Variants in AIG1 observed in about 807,000 individuals in gnomAD.
AIG1 encodes the protein androgen-induced gene 1 protein.
In AIG1, 23 loss-of-function variants were observed where a neutral mutation model predicts 31.4. The observed-to-expected ratio is 0.73, with a 90% CI of 0.53 to 1.04. AIG1 has a LOEUF of 1.04. AIG1 is among the 50% of genes least tolerant of loss of function. The pLI, the probability that AIG1 is intolerant of heterozygous loss-of-function variation, is 0.00. For missense variants in AIG1, 274 were observed against 295.0 expected, an observed-to-expected ratio of 0.93 and a Z score of 0.52; for synonymous variants, 100 against 110.5, an observed-to-expected ratio of 0.90 and a Z score of 0.60.
intron 3 of AIG1, among the ~76,000 whole-genome samples, chr6:143,243,983 A>G (rs564595984): frequency 6.6e-6 from 1 of 152,312 alleles, no homozygotes; most frequent in South Asian, 2.1e-4. Context: ...CTTTCAAGCC[A>G]TGACAGCTGG....
chr6:143,248,079 C>T (rs1352040646), intron 3 of AIG1, among the ~76,000 whole-genome samples: 1 of 152,110 alleles, frequency 6.6e-6, no homozygotes, highest in African/African-American at 2.4e-5. Flanking sequence ...TTTGTGGTCT[C>T]CTGGGAGTGT....
At chr6:143,106,369 A>G (rs957508791) in intron 1 of AIG1, among the ~76,000 whole-genome samples, 14 of 152,336 alleles carry the variant, frequency 9.2e-5, no homozygotes, top group South Asian at 6.2e-4. Context: ...ACTGTGAGAC[A>G]GTAATTTCTG....
At chr6:143,080,430 T>C (rs986205758) in intron 1 of AIG1, among the ~76,000 whole-genome samples, 2 of 152,134 alleles carry the variant, frequency 1.3e-5, no homozygotes, top group African/African-American at 4.8e-5. Flanking sequence ...GATTGAAATG[T>C]ACGGCCTGAA....
Position 143,334,999 on chromosome 6 carries a change from AT to A in AIG1, c.679+1556del. ...TTGAATGATTTGTTTAATTTATGCC[AT>A]TCTTTTAAGTAACATAAGATTGACT... On this transcript the variant is annotated intron_variant, in intron 5 of 5. Coordinates refer to ENST00000357847, the MANE Select transcript of AIG1 (RefSeq NM_016108.4). The surrounding 1 kb of genome is among the most constrained non-coding windows in gnomAD (Gnocchi z 5.1). 9.5e-7 allele frequency: 1 copy of A among 1,055,448 alleles called. No individual in the cohort carries two copies. Among genetic ancestry groups the A allele is most frequent in the Non-Finnish European group, 1.3e-6 (1 of 772,328 alleles). The allele number at this position is 1,055,448 out of a possible 1,614,324, so 65.4% of individuals were successfully genotyped here.
intron 4 of AIG1, among the ~76,000 whole-genome samples, chr6:143,324,861 G>A (rs1562594463): frequency 6.6e-6 from 1 of 152,182 alleles, no homozygotes; most frequent in South Asian, 2.1e-4. Context: ...AGCTAGAAGA[G>A]TAAAGGATGA....
chr6:143,265,612 A>C (rs1219389986), intron 3 of AIG1, among the ~76,000 whole-genome samples: 5 of 152,180 alleles, frequency 3.3e-5, no homozygotes, highest in Non-Finnish European at 7.3e-5. Context: ...TCCATTCCCC[A>C]AAGGAATGTG....
chr6:143,221,757 A>G (rs985251845), intron 3 of AIG1, among the ~76,000 whole-genome samples: 2 of 152,208 alleles, frequency 1.3e-5, no homozygotes, highest in African/African-American at 4.8e-5. Context: ...ATTCAATGCA[A>G]TAATTCATGT....
chr6:143,278,661 G>T (rs192341646), intron 3 of AIG1, among the ~76,000 whole-genome samples: 224 of 151,646 alleles, frequency 1.5e-3, no homozygotes, highest in Non-Finnish European at 2.4e-3. Flanking sequence ...TAGAGACGGG[G>T]TTTCGCCAAG....
intron 3 of AIG1, among the ~76,000 whole-genome samples, chr6:143,177,142 T>C (rs1213713775): frequency 6.6e-6 from 1 of 152,246 alleles, no homozygotes; most frequent in Non-Finnish European, 1.5e-5. Flanking sequence ...CTAACATTTC[T>C]GTTTCGTTCT....
At chr6:143,094,736 C>T (rs547229921) in intron 1 of AIG1, among the ~76,000 whole-genome samples, 3 of 148,142 alleles carry the variant, frequency 2.0e-5, no homozygotes, top group Non-Finnish European at 2.9e-5. Flanking sequence ...TTCCTTGCTC[C>T]AGGTTGATCA....
intron 3 of AIG1, among the ~76,000 whole-genome samples, chr6:143,222,902 C>T (rs778336347): frequency 1.3e-5 from 2 of 152,236 alleles, no homozygotes; most frequent in Non-Finnish European, 2.9e-5. Context: ...TTAAGTCTTA[C>T]TCTGCAGCTC....
chr6:143,273,425 A>ACT (rs1412070659), intron 3 of AIG1, among the ~76,000 whole-genome samples: 4 of 152,160 alleles, frequency 2.6e-5, no homozygotes, highest in Non-Finnish European at 2.9e-5. Flanking sequence ...AATTTTACTG[A>ACT]GTGCAGGAAC....
intron 3 of AIG1, among the ~76,000 whole-genome samples, chr6:143,220,952 C>G (rs1005366447): frequency 2.6e-5 from 4 of 152,082 alleles, no homozygotes; most frequent in African/African-American, 9.7e-5. Flanking sequence ...AAGTACGTGG[C>G]CTAAGAATGG....
intron 4 of AIG1, among the ~76,000 whole-genome samples, chr6:143,311,951 C>A (rs946088999): frequency 2.6e-5 from 4 of 151,850 alleles, no homozygotes; most frequent in Admixed American, 2.0e-4. Context: ...AAAAGTAACC[C>A]CCTTTACAAT....
intron 3 of AIG1, among the ~76,000 whole-genome samples, chr6:143,170,846 C>T (rs1787436856): frequency 1.3e-5 from 2 of 150,652 alleles, no homozygotes; most frequent in Admixed American, 6.7e-5. Flanking sequence ...TGTAACTAGA[C>T]ACCACCTGTT....
chr6:143,294,202 G>T (rs895557884), intron 4 of AIG1, among the ~76,000 whole-genome samples: 1 of 152,156 alleles, frequency 6.6e-6, no homozygotes, highest in Non-Finnish European at 1.5e-5. Context: ...CAGTCTCACT[G>T]CTGGATCCTT....
chr6:143,109,834 C>T (rs1246706522), intron 1 of AIG1, among the ~76,000 whole-genome samples: 1 of 152,156 alleles, frequency 6.6e-6, no homozygotes, highest in African/African-American at 2.4e-5. Context: ...GGCTTATCTT[C>T]CCTCTTTATG....
intron 3 of AIG1, among the ~76,000 whole-genome samples, chr6:143,194,637 T>G (rs928166499): frequency 6.6e-6 from 1 of 152,216 alleles, no homozygotes; most frequent in Non-Finnish European, 1.5e-5. Context: ...AACCTAAAGG[T>G]CTTCTCTATG....
At chr6:143,178,594 G>A (rs1788414811) in intron 3 of AIG1, among the ~76,000 whole-genome samples, 1 of 152,192 alleles carries the variant, frequency 6.6e-6, no homozygotes, top group African/African-American at 2.4e-5. Context: ...ATCCTAGCCA[G>A]ATGCTTTGCT....
Sources: gnomAD v4.1 joint callset for allele counts (sites outside exome capture counted in the v4.1 genomes callset) on GRCh38, gnomAD v4.1.1 for gene constraint, Gnocchi (gnomAD v3.1) non-coding constraint, MANE v1.5 for transcripts, NCBI Gene and HGNC (gene_info 2026-07-23, HGNC 2026-07-21) for gene names.